The following SCGB2B2 variants were observed in gnomAD, a reference collection of about 807,000 sequenced individuals.
SCGB2B2 encodes the protein secretoglobin-like protein.
In SCGB2B2, 11 loss-of-function variants were observed where a neutral mutation model predicts 7.6. The ratio of observed to expected loss-of-function variants is 1.45; its 90% CI spans 0.91 to 2.40. The LOEUF (loss-of-function observed/expected upper bound fraction) is 2.40. Among genes scored for constraint, SCGB2B2 ranks in the 30% most tolerant of loss-of-function variants. The pLI, the probability that SCGB2B2 is intolerant of heterozygous loss-of-function variation, is 0.00. For synonymous variants in SCGB2B2, 50 were observed against 48.6 expected (o/e 1.03, Z -0.12); for missense variants, 104 against 115.4 (o/e 0.90, Z 0.45).
intron 1 of SCGB2B2, among the ~76,000 whole-genome samples, chr19:34,618,793 C>G (rs770721695): frequency 2.0e-5 from 3 of 152,298 alleles, no homozygotes; most frequent in Non-Finnish European, 4.4e-5. Flanking sequence ...AGATGGTAAA[C>G]AAGCAATTTT....
intron 1 of SCGB2B2, among the ~76,000 whole-genome samples, chr19:34,649,591 G>C (rs941524851): frequency 6.6e-6 from 1 of 152,154 alleles, no homozygotes; most frequent in Non-Finnish European, 1.5e-5. Flanking sequence ...GCTTATGCTT[G>C]TAATCCCAGC....
chr19:34,618,811 T>A (rs781430074), intron 1 of SCGB2B2, among the ~76,000 whole-genome samples: 5 of 152,236 alleles, frequency 3.3e-5, no homozygotes, highest in Non-Finnish European at 7.3e-5. Flanking sequence ...TTTAACCATG[T>A]ATCAGATTGC....
At chr19:34,666,048 C>T (rs2067611529) in intron 1 of SCGB2B2, among the ~76,000 whole-genome samples, 1 of 152,140 alleles carries the variant, frequency 6.6e-6, no homozygotes, top group African/African-American at 2.4e-5. Context: ...CTTTCAGCTG[C>T]AGTCTCCCAG....
At chr19:34,611,713 G>C (rs928250113) in intron 1 of SCGB2B2, among the ~76,000 whole-genome samples, 3 of 150,776 alleles carry the variant, frequency 2.0e-5, no homozygotes, top group African/African-American at 7.3e-5. Flanking sequence ...GCAGTGGCAC[G>C]ATCTTGGCTC....
Position 34,660,275 on chromosome 19 carries a change from T to C in SCGB2B2, c.-2032+15355A>G, listed in dbSNP as rs1342824998. On this transcript the variant is annotated intron_variant, in intron 1 of 3. Coordinates refer to ENST00000601241, the MANE Select transcript of SCGB2B2 (RefSeq NM_001025591.4). The stretch of plus-strand genomic sequence containing the variant: ...AAAGCAATGGCAACAAAAGCCAAAA[T>C]AGACAAATGGGATCTAATTGAACTA... Among the ~76,000 whole-genome samples, 5 of 152,130 alleles carry C rather than the reference T, an allele frequency of 3.3e-5. No individual in the cohort carries two copies. The South Asian group carries it at 6.2e-4, about 19-fold the overall frequency.
rs576339897 is a variant in SCGB2B2 at position 34,665,387 on chromosome 19, C to G, written c.-2032+10243G>C. The stretch of plus-strand genomic sequence containing the variant: ...GCTCAAAGTGGTGCACGGGAGATGT[C>G]TGATATCAACCCTCTCCTGGAGGTA... On this transcript the variant is annotated intron_variant, in intron 1 of 3. Transcript: ENST00000601241. Among the ~76,000 whole-genome samples, 103 of 152,322 alleles carry G rather than the reference C, an allele frequency of 6.8e-4. No individual in the cohort carries two copies. In the South Asian group the frequency reaches 8.3e-3, roughly 12 times the overall value.
chr19:34,665,030 C>T (rs1056451990), intron 1 of SCGB2B2, among the ~76,000 whole-genome samples: 3 of 152,226 alleles, frequency 2.0e-5, no homozygotes, highest in Non-Finnish European at 4.4e-5. Context: ...TACCTGGTGG[C>T]CCCAAGGCTG....
intron 1 of SCGB2B2, among the ~76,000 whole-genome samples, chr19:34,643,171 G>A (rs1221673136): frequency 6.6e-6 from 1 of 152,202 alleles, no homozygotes; most frequent in Non-Finnish European, 1.5e-5. Context: ...GTGTCCATCA[G>A]TGGGTGAATG....
At chr19:34,658,834 A>AAAAAG (rs1555749405) in intron 1 of SCGB2B2, among the ~76,000 whole-genome samples, 22 of 118,780 alleles carry the variant, frequency 1.9e-4, no homozygotes, top group Non-Finnish European at 2.9e-4. Context: ...AAAAAAAAAA[A>AAAAAG]AGAGAGAGAA....
chr19:34,623,661 G>T (rs1377409594), intron 1 of SCGB2B2, among the ~76,000 whole-genome samples: 1 of 152,166 alleles, frequency 6.6e-6, no homozygotes, highest in East Asian at 1.9e-4. Context: ...GCCCAGGAGG[G>T]ATTGTGCAGT....
chr19:34,641,254 G>A (rs2066832068), intron 1 of SCGB2B2, among the ~76,000 whole-genome samples: 1 of 152,176 alleles, frequency 6.6e-6, no homozygotes, highest in Non-Finnish European at 1.5e-5. Context: ...CTGGTGCACT[G>A]TATCCTGTCA....
intron 1 of SCGB2B2, among the ~76,000 whole-genome samples, chr19:34,658,287 CA>C (rs748249242): frequency 1.7e-4 from 26 of 151,630 alleles, no homozygotes; most frequent in African/African-American, 5.6e-4. Context: ...AAAAACCCTT[CA>C]AAAAAAATCA....
chr19:34,661,465 A>T (rs983490709), intron 1 of SCGB2B2, among the ~76,000 whole-genome samples: 2 of 152,220 alleles, frequency 1.3e-5, no homozygotes, highest in Non-Finnish European at 2.9e-5. Flanking sequence ...AACATCTGGC[A>T]CTGTAGAGGG....
rs771686064 is a variant in SCGB2B2 at position 34,592,700 on chromosome 19, C to T, written c.*855G>A. Among the ~76,000 whole-genome samples, 12 of 152,056 alleles carry T rather than the reference C, an allele frequency of 7.9e-5. No individual in the cohort carries two copies. The highest frequency in any genetic ancestry group is 1.6e-4 in the Non-Finnish European group (11 of 67,994). On this transcript the variant is annotated 3_prime_UTR_variant, in exon 4 of 4. Coordinates refer to ENST00000601241, the MANE Select transcript of SCGB2B2 (RefSeq NM_001025591.4). ...GAGGGGTGAGGTGGGAGAGAGGGGC[C>T]GTGTTTGAGGGTGGCACTCGTTCCC...
chr19:34,659,783 A>C (rs547673081), intron 1 of SCGB2B2, among the ~76,000 whole-genome samples: 2 of 151,682 alleles, frequency 1.3e-5, no homozygotes, highest in East Asian at 3.9e-4. Flanking sequence ...AATTGGAAAA[A>C]ACTACTTTAA....
chr19:34,621,353 G>A (rs1313987391), intron 1 of SCGB2B2, among the ~76,000 whole-genome samples: 1 of 152,046 alleles, frequency 6.6e-6, no homozygotes, highest in Admixed American at 6.5e-5. Flanking sequence ...TACCTGAAAG[G>A]CAAAAAGAGA....
chr19:34,586,825 C>G (rs919895505), downstream of SCGB2B2, among the ~76,000 whole-genome samples: 24 of 152,216 alleles, frequency 1.6e-4, no homozygotes, highest in African/African-American at 5.8e-4. Context: ...TGAGCAGCCA[C>G]TGGTTCATTC....
intron 1 of SCGB2B2, among the ~76,000 whole-genome samples, chr19:34,639,683 A>T (rs2198902): frequency 0.29 from 44,078 of 152,044 alleles, 7,020 homozygotes; most frequent in Non-Finnish European, 0.36. Context: ...CACCACCAGG[A>T]GGCGCTCTTT....
chr19:34,667,431 C>G (rs997879155), intron 1 of SCGB2B2, among the ~76,000 whole-genome samples: 1 of 152,132 alleles, frequency 6.6e-6, no homozygotes, highest in Non-Finnish European at 1.5e-5. Context: ...AACCTGGGCC[C>G]GGGGCCCCAC....
Sources: allele counts gnomAD v4.1 joint callset (sites outside exome capture counted in the v4.1 genomes callset), GRCh38; gene constraint gnomAD v4.1.1; transcripts MANE v1.5; gene names NCBI Gene and HGNC (gene_info 2026-07-23, HGNC 2026-07-21).